Variants in DIAPH2 observed in about 807,000 individuals in gnomAD.
DIAPH2 encodes diaphanous related formin 2.
In DIAPH2, 35 loss-of-function variants were observed where a neutral mutation model predicts 92.7. The ratio of observed to expected loss-of-function variants is 0.38; its 90% CI spans 0.29 to 0.50. The LOEUF (loss-of-function observed/expected upper bound fraction) is 0.50, where lower values mean the gene tolerates loss of function less well. DIAPH2 is among the 20% of genes least tolerant of loss of function. DIAPH2 has a pLI of 0.94. For synonymous variants in DIAPH2, 301 were observed against 280.4 expected (o/e 1.07, Z -0.73); for missense variants, 701 against 819.5 (o/e 0.86, Z 1.77).
rs921349574 is a variant in DIAPH2 at position 96,938,766 on chromosome X, C to T, written c.1209-500C>T. ...ATAATGAAATACAAATGAATGCAAA[C>T]AATAATAATTTCAGATTTAGTATTT... is the stretch of plus-strand genomic sequence containing the variant. On this transcript the variant is annotated intron_variant, in intron 11 of 26. Transcript: ENST00000324765. Among the ~76,000 whole-genome samples the T allele has an allele frequency of 1.2e-4, 13 of 111,424 alleles. No homozygotes were observed. The South Asian group carries it at 2.3e-3, about 19-fold the overall frequency.
intron 26 of DIAPH2, among the ~76,000 whole-genome samples, chrX:97,446,378 G>A (rs189227841): frequency 2.6e-4 from 29 of 111,756 alleles, no homozygotes; most frequent in Admixed American, 4.7e-4. Context: ...CAGGTTGGTA[G>A]GTTTAGCATT....
intron 25 of DIAPH2, among the ~76,000 whole-genome samples, chrX:97,415,002 A>G (rs2069926891): frequency 8.9e-6 from 1 of 111,931 alleles, no homozygotes; most frequent in African/African-American, 3.3e-5. Flanking sequence ...CCTTACACAA[A>G]TTTACAAGAA....
chrX:97,250,894 A>G (rs1447771253), intron 23 of DIAPH2, among the ~76,000 whole-genome samples: 2 of 111,950 alleles, frequency 1.8e-5, no homozygotes, highest in African/African-American at 6.5e-5. Flanking sequence ...GTTTTAAGAG[A>G]GAGGATCCAC....
At chrX:96,761,898 G>A (rs370773903) in intron 4 of DIAPH2, among the ~76,000 whole-genome samples, 4 of 111,271 alleles carry the variant, frequency 3.6e-5, no homozygotes, top group African/African-American at 1.3e-4. Context: ...ATCACTGCTT[G>A]TAAATAGTCT....
chrX:97,379,192 T>C (rs1461958776), intron 24 of DIAPH2, among the ~76,000 whole-genome samples: 1 of 111,586 alleles, frequency 9.0e-6, no homozygotes, highest in East Asian at 2.8e-4. Context: ...TATGGTACAG[T>C]TGAAAATCAT....
chrX:97,141,651 T>C lies in DIAPH2; in HGVS notation c.2590-14T>C, dbSNP rs370029673. The C allele has an allele frequency of 6.0e-6, 7 of 1,174,692 alleles. No individual in the cohort carries two copies. The African/African-American group carries it at 1.3e-4, about 21-fold the overall frequency. ...TAAAAAATTACTAAAAAATGTGTTG[T>C]TGTTTTCTCCCAGATCAGAGATACT... is the stretch of plus-strand genomic sequence containing the variant. On this transcript the variant is annotated splice_polypyrimidine_tract_variant and intron_variant, in intron 21 of 26. Coordinates refer to ENST00000324765, the MANE Select transcript of DIAPH2 (RefSeq NM_006729.5).
intron 24 of DIAPH2, among the ~76,000 whole-genome samples, chrX:97,376,096 A>T (rs2069497718): frequency 9.0e-6 from 1 of 110,678 alleles, no homozygotes; most frequent in Non-Finnish European, 1.9e-5. Flanking sequence ...GATGTTTAAA[A>T]AAAAAAAAAA....
intron 25 of DIAPH2, among the ~76,000 whole-genome samples, chrX:97,386,035 A>G (rs2069596378): frequency 1.8e-5 from 2 of 111,896 alleles, no homozygotes; most frequent in African/African-American, 6.5e-5. Context: ...ATTTTGCAGT[A>G]ATGTCTTAAT....
intron 5 of DIAPH2, among the ~76,000 whole-genome samples, chrX:96,888,581 C>CTATATATATCTATA (rs1556283043): frequency 1.1e-5 from 1 of 92,046 alleles, no homozygotes; most frequent in African/African-American, 4.0e-5. Flanking sequence ...ATATATATAT[C>CTATATATATCTATA]TATATATATA....
intron 22 of DIAPH2, among the ~76,000 whole-genome samples, chrX:97,230,820 T>A (rs2068003865): frequency 8.9e-6 from 1 of 112,456 alleles, no homozygotes; most frequent in Admixed American, 9.4e-5. Flanking sequence ...GTGCTGGGAT[T>A]ACAGGTGTGA....
At chrX:97,398,405 A>G (rs962020939) in intron 25 of DIAPH2, among the ~76,000 whole-genome samples, 1 of 111,703 alleles carries the variant, frequency 9.0e-6, no homozygotes, top group Non-Finnish European at 1.9e-5. Context: ...ATTCACATGC[A>G]GCCTGTACTT....
intron 24 of DIAPH2, among the ~76,000 whole-genome samples, chrX:97,361,292 T>G (rs763579555): frequency 9.0e-6 from 1 of 111,557 alleles, no homozygotes; most frequent in East Asian, 2.8e-4. Context: ...TTGTTTCATG[T>G]GAGCATTATT....
intron 26 of DIAPH2, among the ~76,000 whole-genome samples, chrX:97,464,202 T>A (rs184055506): frequency 3.9e-5 from 4 of 102,936 alleles, no homozygotes; most frequent in Non-Finnish European, 7.8e-5. Flanking sequence ...TGGTGGCTCA[T>A]GCCTGTAATC....
At chrX:97,587,248 G>A (rs1168969120) in intron 26 of DIAPH2, among the ~76,000 whole-genome samples, 1 of 109,081 alleles carries the variant, frequency 9.2e-6, no homozygotes, top group East Asian at 2.9e-4. Flanking sequence ...TTGAATTTCA[G>A]CAGGTTGCCT....
intron 19 of DIAPH2, among the ~76,000 whole-genome samples, chrX:97,098,121 T>C (rs1293866531): frequency 8.9e-6 from 1 of 111,786 alleles, no homozygotes; most frequent in African/African-American, 3.3e-5. Flanking sequence ...AGGGTACTTA[T>C]AGTAGGGGTA....
chrX:97,245,884 G>C (rs1262124933), intron 22 of DIAPH2, among the ~76,000 whole-genome samples: 4 of 109,632 alleles, frequency 3.6e-5, no homozygotes, highest in Non-Finnish European at 7.6e-5. Context: ...ATAAGTGACT[G>C]GTCAATGTTT....
chrX:96,983,869 C>T (rs981821385), intron 17 of DIAPH2, among the ~76,000 whole-genome samples: 3 of 111,491 alleles, frequency 2.7e-5, no homozygotes, highest in Non-Finnish European at 3.8e-5. Context: ...TTATCACTTT[C>T]CTTGGTGGGC....
intron 19 of DIAPH2, among the ~76,000 whole-genome samples, chrX:97,093,755 G>C (rs1189858378): frequency 8.9e-6 from 1 of 111,900 alleles, no homozygotes; most frequent in Non-Finnish European, 1.9e-5. Flanking sequence ...CATGACATTA[G>C]TGGGAGTAGA....
At chrX:97,232,015 C>A (rs995323029) in intron 22 of DIAPH2, among the ~76,000 whole-genome samples, 4 of 111,427 alleles carry the variant, frequency 3.6e-5, no homozygotes, top group Non-Finnish European at 1.9e-5. Flanking sequence ...CTTCAAAGAT[C>A]CTTAGCCTTG....
Sources: gnomAD v4.1 joint callset for allele counts (sites outside exome capture counted in the v4.1 genomes callset) on GRCh38, gnomAD v4.1.1 for gene constraint, MANE v1.5 for transcripts, NCBI Gene and HGNC (gene_info 2026-07-23, HGNC 2026-07-21) for gene names.